Variants in ZKSCAN5 observed in about 807,000 individuals in gnomAD.
The protein encoded by ZKSCAN5 is zinc finger protein with KRAB and SCAN domains 5.
Under a neutral mutation model 60.0 loss-of-function variants are expected in ZKSCAN5, and 28 were observed. The observed-to-expected ratio is 0.47, with a 90% CI of 0.35 to 0.64. ZKSCAN5 has a LOEUF of 0.64. Among genes scored for constraint, ZKSCAN5 ranks in the 30% least tolerant of loss-of-function variants. The pLI is 0.01. For synonymous variants in ZKSCAN5, 361 were observed against 371.2 expected (o/e 0.97, Z 0.31); for missense variants, 881 against 1,034.6 (o/e 0.85, Z 2.04).
intron 2 of ZKSCAN5, among the ~76,000 whole-genome samples, chr7:99,508,258 C>T (rs1000171680): frequency 6.6e-6 from 1 of 151,490 alleles, no homozygotes; most frequent in Non-Finnish European, 1.5e-5. Context: ...GAGATTGTGC[C>T]ACTGCACTCC....
chr7:99,510,000 A>G (rs892391997), intron 2 of ZKSCAN5, among the ~76,000 whole-genome samples: 2 of 152,088 alleles, frequency 1.3e-5, no homozygotes, highest in Non-Finnish European at 2.9e-5. Context: ...GCTGGAGTGC[A>G]GTGGCACAAT....
At chr7:99,518,670 C>CTT (rs993896580) in intron 3 of ZKSCAN5, among the ~76,000 whole-genome samples, 2,859 of 91,904 alleles carry the variant, frequency 0.031, 118 homozygotes, top group East Asian at 0.16. Flanking sequence ...AGAATGCATC[C>CTT]TTTTTTTTTT....
At chr7:99,529,926 G>A (rs1801965769) in intron 6 of ZKSCAN5, among the ~76,000 whole-genome samples, 1 of 146,928 alleles carries the variant, frequency 6.8e-6, no homozygotes, top group African/African-American at 2.5e-5. Flanking sequence ...AGTAGAGATG[G>A]GGTTTCACTG....
At chr7:99,506,849 ATTTTTTTT>A (rs34098119) in intron 2 of ZKSCAN5, among the ~76,000 whole-genome samples, 1 of 125,920 alleles carries the variant, frequency 7.9e-6, no homozygotes, top group Admixed American at 8.0e-5. Flanking sequence ...GGCCCGGCTA[ATTTTTTTT>A]TTTTTTTTTT....
intron 4 of ZKSCAN5, 101 bp downstream of exon 4, chr7:99,520,010 C>A (rs900904533): frequency 1.3e-6 from 2 of 1,511,022 alleles, no homozygotes; most frequent in African/African-American, 1.4e-5. Context: ...GGGTTGGTAC[C>A]TTCATTCCTT....
In ZKSCAN5 at chr7:99,531,943, T is replaced by C. The variant is rs1264327876; in HGVS notation, c.2214T>C (p.Thr738=). ...CAGACCTCATTCAGCATTACAGAAC[T>C]CATACAGCAGAGAAGCCCTATCAAT... ...YSSDLIQHYR[T]HTAEKPYQCD... is the part of the protein sequence containing the mutation. Residue 738 remains threonine (T), a synonymous_variant, in exon 7 of 7, where the codon ACT becomes ACC. Transcript: ENST00000326775. 2 of 1,614,130 alleles carry C rather than the reference T, an allele frequency of 1.2e-6. No homozygotes were observed. Among genetic ancestry groups the C allele is most frequent in the Admixed American group, 3.3e-5 (2 of 60,008 alleles).
In ZKSCAN5 at chr7:99,531,898, A is replaced by G. The variant is rs140454551; in HGVS notation, c.2169A>G (p.Gly723=). 14 of 1,614,104 alleles carry G rather than the reference A, an allele frequency of 8.7e-6. No individual in the cohort carries two copies. The highest frequency in any genetic ancestry group is 1.2e-5 in the Non-Finnish European group (14 of 1,180,052). The part of the protein sequence containing the change: ...QEQPYQCDIC[G]KAFGYSSDLI... ...AGCCTTATCAGTGTGATATCTGTGG[A>G]AAAGCCTTTGGTTATAGCTCAGACC... is the stretch of plus-strand genomic sequence containing the variant. The change falls in exon 7 of 7, where the codon GGA becomes GGG. Residue 723 remains glycine, a synonymous_variant. Transcript: ENST00000326775.
chr7:99,507,124 G>C (rs1800771856), intron 2 of ZKSCAN5, among the ~76,000 whole-genome samples: 1 of 152,086 alleles, frequency 6.6e-6, no homozygotes, highest in Admixed American at 6.6e-5. Flanking sequence ...TATTCTTACA[G>C]AGCTGTACCA....
intron 2 of ZKSCAN5, among the ~76,000 whole-genome samples, chr7:99,509,033 G>C (rs949751847): frequency 2.0e-5 from 3 of 151,850 alleles, no homozygotes; most frequent in Admixed American, 6.6e-5. Context: ...CTGTCACCCA[G>C]GCTGGAGTGC....
At chr7:99,516,802 G>A (rs905380960) in intron 3 of ZKSCAN5, among the ~76,000 whole-genome samples, 2 of 152,138 alleles carry the variant, frequency 1.3e-5, no homozygotes, top group Non-Finnish European at 1.5e-5. Context: ...AGGCTTTGCT[G>A]CTGCTGCTGC....
At chr7:99,529,796 C>T (rs866004912) in intron 6 of ZKSCAN5, among the ~76,000 whole-genome samples, 3 of 152,084 alleles carry the variant, frequency 2.0e-5, no homozygotes, top group African/African-American at 2.4e-5. Context: ...AGTGCAGTGG[C>T]GCAATCTTGG....
In ZKSCAN5 at chr7:99,525,946, T is replaced by TA. The variant is rs1332261758; in HGVS notation, c.909dup (p.Gly304ArgfsTer34). 1 of 1,613,914 alleles carries TA rather than the reference T, an allele frequency of 6.2e-7. No individual in the cohort carries two copies. The stretch of plus-strand genomic sequence containing the variant: ...CAGACTTTGCAGAAGTCAGTGACCT[T>TA]AAAGGCATGGTACAAAGGTGGCAGG... On this transcript the variant is annotated frameshift_variant, in exon 6 of 7. Coordinates refer to ENST00000326775, the MANE Select transcript of ZKSCAN5 (RefSeq NM_145102.4). LOFTEE classifies it high-confidence loss of function.
At chr7:99,508,610 G>A (rs1157141995) in intron 2 of ZKSCAN5, among the ~76,000 whole-genome samples, 2 of 151,752 alleles carry the variant, frequency 1.3e-5, no homozygotes, top group African/African-American at 4.8e-5. Context: ...TTAGCTGGGT[G>A]TGGTGGCATG....
chr7:99,519,430 A>G (rs1019779518), intron 3 of ZKSCAN5, among the ~76,000 whole-genome samples: 2 of 152,114 alleles, frequency 1.3e-5, no homozygotes, highest in Non-Finnish European at 1.5e-5. Context: ...GGCGTGCATC[A>G]CCACATCTGG....
At position 99,531,804 on chromosome 7, in the gene ZKSCAN5, G is replaced by T. The variant is rs1285123279; in HGVS notation, c.2075G>T (p.Gly692Val). Residue 692 changes from glycine to valine, a missense_variant, in exon 7 of 7, where the codon GGC becomes GTC. This residue lies in a region of ZKSCAN5 where 112 missense variants were observed against 182.4 expected (regional missense o/e 0.61). Coordinates refer to ENST00000326775, the MANE Select transcript of ZKSCAN5 (RefSeq NM_145102.4). ...ATGGGTCAGAAAAATGAAAAAAATGGCATCTGTGAGGAAGCATATAGTTGG... is the reference window on the plus strand; with the variant it reads ...ATGGGTCAGAAAAATGAAAAAAATGTCATCTGTGAGGAAGCATATAGTTGG... Reference protein sequence around the residue: ...LHMGQKNEKNGICEEAYSWNL... With the variant: ...LHMGQKNEKNVICEEAYSWNL... 6.2e-6 allele frequency: 10 copies of T among 1,614,036 alleles called. No homozygotes were observed. The highest frequency in any genetic ancestry group is 1.3e-5 in the African/African-American group (1 of 74,918).
chr7:99,506,259 G>A lies in ZKSCAN5; in HGVS notation c.215G>A (p.Arg72Gln). ...SGPREALSQL[R>Q]VLCCEWLRPE... ...CCCCGGGAGGCTCTCAGCCAACTCC[G>A]GGTGCTCTGCTGTGAGTGGCTGAGG... Residue 72 changes from arginine to glutamine, a missense_variant, in exon 2 of 7, where the codon CGG (arginine) becomes CAG (glutamine). By Grantham distance (43) the Arg-to-Gln change is conservative. Transcript: ENST00000326775. 1 of 1,614,204 alleles carries A rather than the reference G, an allele frequency of 6.2e-7. No homozygotes were observed. Among genetic ancestry groups the A allele is most frequent in the Non-Finnish European group, 8.5e-7 (1 of 1,180,040 alleles).
At position 99,531,911 on chromosome 7, in the gene ZKSCAN5, T is replaced by C; in HGVS notation, c.2182T>C (p.Tyr728His). 1 of 1,614,170 alleles carries C rather than the reference T, an allele frequency of 6.2e-7. No homozygotes were observed. The highest frequency in any genetic ancestry group is 8.5e-7 in the Non-Finnish European group (1 of 1,180,036). The change falls in exon 7 of 7, where the codon TAT becomes CAT. Residue 728 changes from tyrosine (Y) to histidine (H), a missense_variant. By Grantham distance (83) the Tyr-to-His change is moderately conservative (BLOSUM62 2). Coordinates refer to ENST00000326775, the MANE Select transcript of ZKSCAN5 (RefSeq NM_145102.4). Reference sequence around the variant, plus strand: ...TGATATCTGTGGAAAAGCCTTTGGTTATAGCTCAGACCTCATTCAGCATTA... The same window carrying C: ...TGATATCTGTGGAAAAGCCTTTGGTCATAGCTCAGACCTCATTCAGCATTA... Reference protein sequence around the residue: ...QCDICGKAFGYSSDLIQHYRT... With the variant: ...QCDICGKAFGHSSDLIQHYRT...
chr7:99,513,066 GA>G lies in ZKSCAN5; in HGVS notation c.553+477del, dbSNP rs201030882. 1.3e-3 allele frequency among the ~76,000 whole-genome samples: 192 copies of G among 145,954 alleles called. 3 individuals carry two copies. In the East Asian group the frequency reaches 0.038, roughly 29 times the overall value. ...TTGTTCAGTTCCCACCTATGAGTGA[GA>G]ATATGCGGTGTTTGGTTTTTTGTTC... On this transcript the variant is annotated intron_variant, in intron 3 of 6. Coordinates refer to ENST00000326775, the MANE Select transcript of ZKSCAN5 (RefSeq NM_145102.4).
intron 5 of ZKSCAN5, among the ~76,000 whole-genome samples, chr7:99,525,161 G>A (rs1405129919): frequency 3.4e-5 from 5 of 146,260 alleles, no homozygotes; most frequent in African/African-American, 7.6e-5. Flanking sequence ...GTGAGACTCC[G>A]TCTCAAAAGA....
Sources: allele counts gnomAD v4.1 joint callset (sites outside exome capture counted in the v4.1 genomes callset), GRCh38; gene constraint gnomAD v4.1.1; regional missense constraint gnomAD v4.1.1; transcripts MANE v1.5; gene names NCBI Gene and HGNC (gene_info 2026-07-23, HGNC 2026-07-21).